The following ADAMTS7 variants were observed in gnomAD, a reference collection of about 807,000 sequenced individuals.
ADAMTS7 encodes A disintegrin and metalloproteinase with thrombospondin motifs 7.
A neutral mutation model predicts 172.6 loss-of-function variants in ADAMTS7; 89 were observed. That is an observed-to-expected ratio of 0.52 (90% CI 0.43 to 0.61). The LOEUF (loss-of-function observed/expected upper bound fraction) is 0.61, where lower values mean the gene tolerates loss of function less well. Ranked by LOEUF, ADAMTS7 falls within the 20% of genes least tolerant of loss-of-function variation. The pLI, the probability that ADAMTS7 is intolerant of heterozygous loss-of-function variation, is 0.00. For missense variants in ADAMTS7, 1,973 were observed against 2,355.6 expected, an observed-to-expected ratio of 0.84 and a Z score of 3.36; for synonymous variants, 885 against 978.4, an observed-to-expected ratio of 0.90 and a Z score of 1.78.
chr15:78,787,966 C>A (rs1016767553), intron 8 of ADAMTS7, among the ~76,000 whole-genome samples: 3 of 149,970 alleles, frequency 2.0e-5, no homozygotes, highest in African/African-American at 7.4e-5. Context: ...TGAATTCTTG[C>A]TCCTCCTCCA....
In ADAMTS7 at chr15:78,784,005, T is replaced by C. The variant is rs139117221; in HGVS notation, c.1322+4226A>G. ...ATGAGAAAGTTTAAGAAATTAAAAG[T>C]AGAATGAAAAAAATGAAAATTTTAA... On this transcript the variant is annotated intron_variant, in intron 8 of 23. Coordinates refer to ENST00000388820, the MANE Select transcript of ADAMTS7 (RefSeq NM_014272.5). Among the ~76,000 whole-genome samples, 502 of 151,920 alleles carry C rather than the reference T, an allele frequency of 3.3e-3. 2 individuals carry two copies. Among genetic ancestry groups the C allele is most frequent in the African/African-American group, 0.011 (462 of 41,388 alleles).
chr15:78,782,939 A>G (rs1433516971), intron 8 of ADAMTS7, among the ~76,000 whole-genome samples: 1 of 152,144 alleles, frequency 6.6e-6, no homozygotes, highest in Non-Finnish European at 1.5e-5. Flanking sequence ...TGGCCCAGGA[A>G]TGGTAGACAT....
At chr15:78,789,548 A>G in intron 7 of ADAMTS7, 141 bp downstream of exon 7, 1 of 1,178,308 alleles carries the variant, frequency 8.5e-7, no homozygotes, top group Non-Finnish European at 1.2e-6. Context: ...GTGCAGGGGC[A>G]GCACATGGCC....
chr15:78,774,068 C>G (rs2055297080), intron 13 of ADAMTS7, 99 bp downstream of exon 13: 3 of 1,530,320 alleles, frequency 2.0e-6, no homozygotes, highest in Admixed American at 1.9e-5. Context: ...CCCGCCATGG[C>G]CCGAGGAGGA....
intron 4 of ADAMTS7, among the ~76,000 whole-genome samples, chr15:78,793,984 C>T (rs988988359): frequency 2.0e-5 from 3 of 151,730 alleles, no homozygotes; most frequent in African/African-American, 7.3e-5. Flanking sequence ...GGGTGAGGGC[C>T]GGGAGTGGTG....
chr15:78,805,934 G>A (rs2055781746), intron 1 of ADAMTS7, among the ~76,000 whole-genome samples: 1 of 151,784 alleles, frequency 6.6e-6, no homozygotes, highest in Admixed American at 6.6e-5. Flanking sequence ...ACAAAAATTA[G>A]CCAGGCATGG....
In ADAMTS7 at chr15:78,788,364, G is replaced by A. The variant is rs753831522; in HGVS notation, c.1189C>T (p.Gln397Ter). The change falls in exon 8 of 24, where the codon CAG becomes TAG. Residue 397 changes from glutamine (Q) to a stop codon, truncating the protein, a stop_gained. Transcript: ENST00000388820. LOFTEE classifies it high-confidence loss of function. ...CAGTCATTGCCGCTTCCGTCATGCTGAATGCCAAAACTGTGTGAGAGCACA... is the reference window on the plus strand; with the variant it reads ...CAGTCATTGCCGCTTCCGTCATGCTAAATGCCAAAACTGTGTGAGAGCACA... ...AHELGHSFGI[Q>*]HDGSGNDCEP... is the part of the protein sequence containing the mutation. 6.2e-7 allele frequency: 1 copy of A among 1,612,814 alleles called. No individual in the cohort carries two copies. The highest frequency in any genetic ancestry group is 8.5e-7 in the Non-Finnish European group (1 of 1,179,958).
intron 18 of ADAMTS7, 46 bp downstream of exon 18, chr15:78,767,333 A>G: frequency 6.2e-7 from 1 of 1,602,386 alleles, no homozygotes; most frequent in Non-Finnish European, 8.5e-7. Context: ...GTAGCTGAAG[A>G]CCAAGGGTGG....
chr15:78,769,117 G>A (rs995027480), intron 16 of ADAMTS7, among the ~76,000 whole-genome samples: 1 of 152,124 alleles, frequency 6.6e-6, no homozygotes, highest in African/African-American at 2.4e-5. Flanking sequence ...ACAAGAAATG[G>A]GGCATCAAGG....
At chr15:78,800,086 A>G (rs7167817) in intron 2 of ADAMTS7, 106 bp downstream of exon 2, 16,255 of 1,012,510 alleles carry the variant, frequency 0.016, 174 homozygotes, top group Middle Eastern at 0.022. Context: ...GCAGAGAAAA[A>G]GTGCACTGGG....
intron 22 of ADAMTS7, among the ~76,000 whole-genome samples, chr15:78,763,376 C>A (rs933463909): frequency 1.3e-5 from 2 of 152,244 alleles, no homozygotes; most frequent in Non-Finnish European, 2.9e-5. Context: ...GGCTCCCCGG[C>A]CCCCTCAAGC....
At chr15:78,769,380 CCT>C (rs1467247275) in intron 16 of ADAMTS7, among the ~76,000 whole-genome samples, 3 of 152,220 alleles carry the variant, frequency 2.0e-5, no homozygotes. Context: ...CATCCGTCCC[CCT>C]CTTTCCTCAC....
intron 4 of ADAMTS7, among the ~76,000 whole-genome samples, chr15:78,791,821 G>A (rs2055585218): frequency 6.6e-6 from 1 of 152,182 alleles, no homozygotes; most frequent in South Asian, 2.1e-4. Context: ...AAGGAGGCAG[G>A]TGTGCACATC....
intron 2 of ADAMTS7, 132 bp downstream of exon 2, chr15:78,800,060 G>C: frequency 1.3e-6 from 1 of 778,036 alleles, no homozygotes; most frequent in Non-Finnish European, 2.0e-6. Context: ...CTTTACAGGC[G>C]TGAATACCGA....
At position 78,764,644 on chromosome 15, in the gene ADAMTS7, C is replaced by T. The variant is rs766274022; in HGVS notation, c.4330G>A (p.Glu1444Lys). Residue 1444 changes from glutamate (E) to lysine (K), a missense_variant, in exon 20 of 24, where the codon GAG (glutamate) becomes AAG (lysine). Around this residue, in one of 8 missense-constraint regions of ADAMTS7, gnomAD observed 218 missense variants for 216.9 expected, o/e 1.01. Coordinates refer to ENST00000388820, the MANE Select transcript of ADAMTS7 (RefSeq NM_014272.5). The stretch of plus-strand genomic sequence containing the variant: ...GGCCGGCCAGCGGGGGCGCAGTCCT[C>T]ATCCCGGCCGGAGCTACAGCGCACC... Reference protein sequence around the residue: ...RPVRCSSGRDEDCAPAGRPQP... With the variant: ...RPVRCSSGRDKDCAPAGRPQP... 6.4e-7 allele frequency: 1 copy of T among 1,571,424 alleles called. No individual in the cohort carries two copies. Among genetic ancestry groups the T allele is most frequent in the Non-Finnish European group, 8.6e-7 (1 of 1,167,618 alleles).
rs113644773 is a variant in ADAMTS7, at chr15:78,776,228, T to G, written c.1666A>C (p.Met556Leu). ...TGCCGCTCGGCGCTCTGTACGCCCA[T>G]GCCACAGCTCCGTGAGCAGATGGAC... ...AWSICSRSCG[M>L]GVQSAERQCT... The change falls in exon 11 of 24, where the codon ATG (methionine) becomes CTG (leucine). Residue 556 changes from methionine to leucine, a missense_variant. Coordinates refer to ENST00000388820, the MANE Select transcript of ADAMTS7 (RefSeq NM_014272.5). 6.2e-6 allele frequency: 10 copies of G among 1,611,588 alleles called. No homozygotes were observed. The South Asian group carries it at 9.9e-5, about 16-fold the overall frequency.
At position 78,773,943 on chromosome 15, in the gene ADAMTS7, G is replaced by A. The variant is rs145836416; in HGVS notation, c.2010+224C>T. Among the ~76,000 whole-genome samples, 270 of 152,316 alleles carry A rather than the reference G, an allele frequency of 1.8e-3. 4 individuals are homozygous for A. In the South Asian group the frequency reaches 0.02, roughly 11 times the overall value. ...GGAAGGGTCCCCAGTGCCAGGAGGC[G>A]TGGTAGGGGCTTTGCCTTAGAGGTC... On this transcript the variant is annotated intron_variant, in intron 13 of 23. Transcript: ENST00000388820.
intron 16 of ADAMTS7, among the ~76,000 whole-genome samples, chr15:78,770,233 A>G (rs1400532212): frequency 1.3e-5 from 2 of 151,814 alleles, no homozygotes; most frequent in African/African-American, 4.8e-5. Context: ...CAGCTGTATT[A>G]GATAAAATGG....
At chr15:78,794,721 G>A (rs1191149524) in intron 4 of ADAMTS7, among the ~76,000 whole-genome samples, 1 of 151,990 alleles carries the variant, frequency 6.6e-6, no homozygotes, top group African/African-American at 2.4e-5. Flanking sequence ...TTTTGTTTTT[G>A]TTTTTGTTTT....
Sources: allele counts gnomAD v4.1 joint callset (sites outside exome capture counted in the v4.1 genomes callset), GRCh38; gene constraint gnomAD v4.1.1; regional missense constraint gnomAD v4.1.1; transcripts MANE v1.5; gene names NCBI Gene and HGNC (gene_info 2026-07-23, HGNC 2026-07-21).